Variants in SKA2 observed in about 807,000 individuals in gnomAD.
SKA2 encodes the protein spindle and kinetochore associated complex subunit 2.
Under a neutral mutation model 16.9 loss-of-function variants are expected in SKA2, and 13 were observed. The observed-to-expected ratio is 0.77, with a 90% CI of 0.50 to 1.22. The LOEUF (loss-of-function observed/expected upper bound fraction) is 1.22. SKA2 is among the 50% of genes most tolerant of loss of function. The pLI is 0.00. For missense variants in SKA2, 107 were observed against 139.7 expected, an observed-to-expected ratio of 0.77 and a Z score of 1.18; for synonymous variants, 47 against 48.5, an observed-to-expected ratio of 0.97 and a Z score of 0.13.
chr17:59,154,708 G>A (rs886890508), intron 1 of SKA2, among the ~76,000 whole-genome samples: 6 of 152,080 alleles, frequency 3.9e-5, no homozygotes, highest in Admixed American at 6.5e-5. Context: ...CCTCGCCCCC[G>A]TCAGTTTATT....
intron 1 of SKA2, among the ~76,000 whole-genome samples, chr17:59,148,295 A>G (rs1327390674): frequency 1.3e-5 from 2 of 152,148 alleles, no homozygotes; most frequent in Admixed American, 6.6e-5. Flanking sequence ...ACAATTCTCT[A>G]TCCGGCACAG....
At chr17:59,142,326 T>C (rs2046496863) in intron 1 of SKA2, among the ~76,000 whole-genome samples, 1 of 151,170 alleles carries the variant, frequency 6.6e-6, no homozygotes, top group East Asian at 2.0e-4. Flanking sequence ...GTTTCGCTCT[T>C]GTTGCCCAGG....
At chr17:59,142,450 C>A (rs2046497881) in intron 1 of SKA2, among the ~76,000 whole-genome samples, 1 of 151,760 alleles carries the variant, frequency 6.6e-6, no homozygotes, top group African/African-American at 2.4e-5. Context: ...ACCACCACAT[C>A]CAGCTAATTT....
Position 59,137,696 on chromosome 17 carries a change from C to A in SKA2, c.34-6329G>T, listed in dbSNP as rs142060894. 1.8e-3 allele frequency: 879 copies of A among 484,982 alleles called. 6 individuals carry two copies. The highest frequency in any genetic ancestry group is 0.016 in the African/African-American group (802 of 48,948). 30.0% of individuals were successfully genotyped at this position (484,982 alleles called of 1,614,324 possible). On this transcript the variant is annotated intron_variant, in intron 1 of 3. Coordinates refer to ENST00000330137, the MANE Select transcript of SKA2 (RefSeq NM_182620.4). ...CAGATTTTAATGTTTATAGTGAAATCTAGTTCCTTGTTTTCTTCCTAAAGA... is the reference window on the plus strand; with the variant it reads ...CAGATTTTAATGTTTATAGTGAAATATAGTTCCTTGTTTTCTTCCTAAAGA...
chr17:59,140,775 TA>T (rs949978074), intron 1 of SKA2, among the ~76,000 whole-genome samples: 2 of 124,214 alleles, frequency 1.6e-5, no homozygotes, highest in Non-Finnish European at 3.3e-5. Context: ...CACACCCGCC[TA>T]ATTTTTTTTT....
chr17:59,130,590 A>G lies in SKA2; in HGVS notation c.120+691T>C, dbSNP rs897042425. ...GGTTATGGTGAGCTGAGATTGCACC[A>G]CTGCACTCCAGCCTGGACGACAGAG... On this transcript the variant is annotated intron_variant, in intron 2 of 3. Transcript: ENST00000330137. Among the ~76,000 whole-genome samples, 7 of 151,760 alleles carry G rather than the reference A, an allele frequency of 4.6e-5. No homozygotes were observed. The South Asian group carries it at 1.5e-3, about 32-fold the overall frequency.
intron 3 of SKA2, among the ~76,000 whole-genome samples, chr17:59,114,996 T>C (rs1402466465): frequency 6.6e-6 from 1 of 152,100 alleles, no homozygotes; most frequent in Admixed American, 6.6e-5. Context: ...TTAATGTTCA[T>C]CTTTCATTTA....
At chr17:59,136,078 GA>G (rs900949478) in intron 1 of SKA2, among the ~76,000 whole-genome samples, 6 of 144,210 alleles carry the variant, frequency 4.2e-5, no homozygotes, top group African/African-American at 7.6e-5. Flanking sequence ...GAGGAAGGAA[GA>G]AAAAAAAAAC....
chr17:59,153,691 G>C (rs2046594293), intron 1 of SKA2, among the ~76,000 whole-genome samples: 1 of 152,164 alleles, frequency 6.6e-6, no homozygotes, highest in Admixed American at 6.5e-5. Context: ...AGGCACAAAG[G>C]ATACCTAAGC....
intron 3 of SKA2, among the ~76,000 whole-genome samples, chr17:59,116,620 T>A (rs969987242): frequency 1.3e-5 from 2 of 152,078 alleles, no homozygotes; most frequent in Non-Finnish European, 2.9e-5. Context: ...CACTCTTTGA[T>A]AAAGATTATA....
chr17:59,136,941 T>C (rs1029945303), intron 1 of SKA2, among the ~76,000 whole-genome samples: 14 of 152,238 alleles, frequency 9.2e-5, no homozygotes, highest in African/African-American at 3.4e-4. Context: ...CATTACTGTT[T>C]TCTTATGTAG....
intron 1 of SKA2, among the ~76,000 whole-genome samples, chr17:59,137,277 C>A (rs2046453064): frequency 6.6e-6 from 1 of 152,182 alleles, no homozygotes; most frequent in African/African-American, 2.4e-5. Context: ...CTTAGCCTCT[C>A]AAAGTGCTGG....
chr17:59,120,467 T>C (rs1165208119), intron 2 of SKA2, among the ~76,000 whole-genome samples: 1 of 151,444 alleles, frequency 6.6e-6, no homozygotes, highest in Non-Finnish European at 1.5e-5. Flanking sequence ...AGGCTGGTCT[T>C]AAACTCCTGG....
intron 1 of SKA2, chr17:59,137,768 G>A (rs754856213): frequency 1.9e-6 from 1 of 526,184 alleles, no homozygotes; most frequent in Non-Finnish European, 3.9e-6. Context: ...CCTGCCCATT[G>A]TTCTTTCCAA....
intron 3 of SKA2, among the ~76,000 whole-genome samples, chr17:59,113,365 A>C (rs1453273221): frequency 7.1e-6 from 1 of 141,762 alleles, no homozygotes; most frequent in Admixed American, 7.0e-5. Flanking sequence ...CTACTAAAAA[A>C]CACAAAAATT....
intron 2 of SKA2, among the ~76,000 whole-genome samples, chr17:59,130,934 C>A (rs1306156151): frequency 6.6e-6 from 1 of 152,146 alleles, no homozygotes; most frequent in Admixed American, 6.5e-5. Flanking sequence ...AGAGAATATG[C>A]TGACTGCCAG....
chr17:59,142,658 G>A (rs1381542012), intron 1 of SKA2, among the ~76,000 whole-genome samples: 1 of 151,450 alleles, frequency 6.6e-6, no homozygotes, highest in East Asian at 1.9e-4. Flanking sequence ...TGGGTGCAGT[G>A]GCTCATGCCA....
chr17:59,126,421 AAC>A (rs1446445892), intron 2 of SKA2, among the ~76,000 whole-genome samples: 1 of 152,142 alleles, frequency 6.6e-6, no homozygotes, highest in Non-Finnish European at 1.5e-5. Context: ...TGAGTATACA[AAC>A]ACACACATAC....
intron 1 of SKA2, among the ~76,000 whole-genome samples, chr17:59,140,869 C>T (rs1473542074): frequency 6.1e-5 from 9 of 147,718 alleles, no homozygotes; most frequent in African/African-American, 1.7e-4. Flanking sequence ...GTGATCCACC[C>T]GCCTCAGCAT....
Sources: allele counts gnomAD v4.1 joint callset (sites outside exome capture counted in the v4.1 genomes callset), GRCh38; gene constraint gnomAD v4.1.1; transcripts MANE v1.5; gene names NCBI Gene and HGNC (gene_info 2026-07-23, HGNC 2026-07-21).